MIB1: variants seen among roughly 807,000 people sequenced by gnomAD.
The protein encoded by MIB1 is MIB E3 ubiquitin protein ligase 1, also known as E3 ubiquitin-protein ligase MIB1.
In MIB1, 278 loss-of-function variants were observed where a neutral mutation model predicts 124.5. The observed-to-expected ratio is 2.23, with a 90% CI of 2.02 to 2.47. The LOEUF is 2.47. Among genes scored for constraint, MIB1 ranks in the 30% most tolerant of loss-of-function variants. The probability of loss-of-function intolerance (pLI) is 0.00; values close to 1 mark genes in which losing one functional copy is unlikely to be tolerated. For missense variants in MIB1, 957 were observed against 1,254.4 expected (o/e 0.76, Z 3.58); for synonymous variants, 446 against 429.4 (o/e 1.04, Z -0.48).
At chr18:21,734,862 T>A (rs906226860) in intron 1 of MIB1, among the ~76,000 whole-genome samples, 1 of 152,226 alleles carries the variant, frequency 6.6e-6, no homozygotes, top group Non-Finnish European at 1.5e-5. Context: ...CTTATCCTTC[T>A]TAGTGCTTCA....
chr18:21,860,506 G>T (rs148749937), intron 20 of MIB1, among the ~76,000 whole-genome samples: 2 of 152,252 alleles, frequency 1.3e-5, no homozygotes, highest in African/African-American at 4.8e-5. Context: ...TTGTAGGTTT[G>T]TTATGTTAAG....
At chr18:21,729,835 A>G (rs2040759885) in intron 1 of MIB1, among the ~76,000 whole-genome samples, 4 of 152,120 alleles carry the variant, frequency 2.6e-5, no homozygotes, top group African/African-American at 9.7e-5. Context: ...CTCATCACCT[A>G]ATCACCTGCT....
Position 21,799,823 on chromosome 18 carries a change from T to A in MIB1, c.1238-18T>A. ...TTGAGATCCTCCTATATTAGCAGCT[T>A]TATTTGATGCTTTACAGAAAGACTC... On this transcript the variant is annotated intron_variant, in intron 8 of 20. Coordinates refer to ENST00000261537, the MANE Select transcript of MIB1 (RefSeq NM_020774.4). 1 of 1,604,116 alleles carries A rather than the reference T, an allele frequency of 6.2e-7. No homozygotes were observed. The highest frequency in any genetic ancestry group is 8.5e-7 in the Non-Finnish European group (1 of 1,174,252).
At chr18:21,771,610 C>T (rs1301677513) in intron 3 of MIB1, among the ~76,000 whole-genome samples, 2 of 152,050 alleles carry the variant, frequency 1.3e-5, no homozygotes, top group Non-Finnish European at 2.9e-5. Context: ...TGGTAGTTAC[C>T]TCTAATGGAA....
intron 4 of MIB1, among the ~76,000 whole-genome samples, chr18:21,776,106 A>G (rs1030798917): frequency 6.6e-6 from 1 of 152,062 alleles, no homozygotes; most frequent in South Asian, 2.1e-4. Flanking sequence ...ATCTCTACAA[A>G]CAATAAAAAA....
chr18:21,781,407 ATATATAT>A (rs2041365243), intron 6 of MIB1, among the ~76,000 whole-genome samples: 2 of 82,092 alleles, frequency 2.4e-5, no homozygotes, highest in Non-Finnish European at 4.6e-5. Flanking sequence ...ATATATATAT[ATATATAT>A]AAAATTATTA....
At chr18:21,818,603 A>G (rs2041851284) in intron 11 of MIB1, among the ~76,000 whole-genome samples, 1 of 152,158 alleles carries the variant, frequency 6.6e-6, no homozygotes, top group Admixed American at 6.5e-5. Flanking sequence ...CAGGAGTTCA[A>G]GACCAGCATG....
At chr18:21,807,015 G>C (rs1057002902) in intron 10 of MIB1, among the ~76,000 whole-genome samples, 4 of 152,142 alleles carry the variant, frequency 2.6e-5, no homozygotes, top group African/African-American at 9.7e-5. Flanking sequence ...TTTCCATTTT[G>C]TGCATTTTTT....
At chr18:21,828,955 A>G (rs1232170160) in intron 12 of MIB1, 1 of 462,420 alleles carries the variant, frequency 2.2e-6, no homozygotes, top group Non-Finnish European at 4.5e-6. Context: ...ACGTAGAAAG[A>G]AGCAAGAGCT....
chr18:21,867,309 G>A lies in MIB1; in HGVS notation c.*2643G>A, dbSNP rs1053345256. 17 of 152,512 alleles carry A rather than the reference G, an allele frequency of 1.1e-4. No homozygotes were observed. The highest frequency in any genetic ancestry group is 3.9e-4 in the African/African-American group (16 of 41,448). The allele number at this position is 152,512 out of a possible 1,614,324, so 9.4% of individuals were successfully genotyped here. ...TTCAGAAGAGTTGTCATTGAGTAGT[G>A]TTTGGATTTCCTCTCTGTATCCCTC... On this transcript the variant is annotated 3_prime_UTR_variant, in exon 21 of 21. Transcript: ENST00000261537.
At chr18:21,744,850 G>C (rs962463821) in intron 1 of MIB1, among the ~76,000 whole-genome samples, 1 of 152,154 alleles carries the variant, frequency 6.6e-6, no homozygotes, top group Non-Finnish European at 1.5e-5. Context: ...TTTTGTACCA[G>C]CAATGTGATG....
intron 1 of MIB1, among the ~76,000 whole-genome samples, chr18:21,722,423 T>G (rs1436163630): frequency 1.3e-5 from 2 of 151,204 alleles, no homozygotes; most frequent in Non-Finnish European, 2.9e-5. Flanking sequence ...CAGGCTGGAG[T>G]GCAGTGGCAG....
intron 1 of MIB1, among the ~76,000 whole-genome samples, chr18:21,743,207 A>G (rs980075007): frequency 6.6e-6 from 1 of 152,236 alleles, no homozygotes; most frequent in African/African-American, 2.4e-5. Flanking sequence ...AGAATACTCT[A>G]TTGCATGGCA....
At chr18:21,805,900 CTTTTTTTT>C (rs35904303) in intron 10 of MIB1, among the ~76,000 whole-genome samples, 2 of 105,112 alleles carry the variant, frequency 1.9e-5, no homozygotes, top group Non-Finnish European at 3.7e-5. Context: ...TCTTTCTTTC[CTTTTTTTT>C]TTTTTTTTTT....
Position 21,770,285 on chromosome 18 carries a change from A to C in MIB1, c.531+1533A>C, listed in dbSNP as rs1051848909. On this transcript the variant is annotated intron_variant, in intron 3 of 20. Coordinates refer to ENST00000261537, the MANE Select transcript of MIB1 (RefSeq NM_020774.4). ...ATGTGACTCCAAGTGAGGGAACTTT[A>C]TAAAATAAATCTTTAGAGTAACATT... 2.6e-5 allele frequency among the ~76,000 whole-genome samples: 4 copies of C among 152,248 alleles called. No homozygotes were observed. In the East Asian group the frequency reaches 7.7e-4, roughly 29 times the overall value.
intron 3 of MIB1, among the ~76,000 whole-genome samples, chr18:21,772,895 C>A (rs1396572505): frequency 6.6e-6 from 1 of 151,996 alleles, no homozygotes; most frequent in Non-Finnish European, 1.5e-5. Flanking sequence ...TTTAGTTGAC[C>A]AAAAAGGTTT....
intron 20 of MIB1, among the ~76,000 whole-genome samples, chr18:21,859,278 C>T (rs2042253682): frequency 6.6e-6 from 1 of 151,830 alleles, no homozygotes; most frequent in Non-Finnish European, 1.5e-5. Flanking sequence ...TGGTGACCTC[C>T]CAACTACTTG....
At chr18:21,803,442 C>T (rs2041671026) in intron 9 of MIB1, among the ~76,000 whole-genome samples, 2 of 152,068 alleles carry the variant, frequency 1.3e-5, no homozygotes, top group Admixed American at 1.3e-4. Context: ...TTTATATATC[C>T]TTATTTATTG....
upstream of MIB1, among the ~76,000 whole-genome samples, chr18:21,737,468 A>T (rs955976084): frequency 6.6e-6 from 1 of 152,204 alleles, no homozygotes; most frequent in East Asian, 1.9e-4. Flanking sequence ...AAACTGCATC[A>T]GCTAATGGGC....
Sources: allele counts gnomAD v4.1 joint callset (sites outside exome capture counted in the v4.1 genomes callset), GRCh38; gene constraint gnomAD v4.1.1; transcripts MANE v1.5; gene names NCBI Gene and HGNC (gene_info 2026-07-23, HGNC 2026-07-21).